The following MMD variants were observed in gnomAD, a reference collection of about 807,000 sequenced individuals.
MMD encodes monocyte to macrophage differentiation associated.
MMD carries 22 observed loss-of-function variants against 33.6 expected under a neutral mutation model. The observed-to-expected ratio is 0.66, with a 90% CI of 0.47 to 0.94. The LOEUF is 0.94. Ranked by LOEUF, MMD falls within the 40% of genes least tolerant of loss-of-function variation. The probability of loss-of-function intolerance (pLI) is 0.00; values close to 1 mark genes in which losing one functional copy is unlikely to be tolerated. For synonymous variants in MMD, 97 were observed against 103.2 expected, an observed-to-expected ratio of 0.94 and a Z score of 0.36; for missense variants, 242 against 309.8, an observed-to-expected ratio of 0.78 and a Z score of 1.64.
intron 1 of MMD, chr17:55,420,493 C>T (rs1402397424): frequency 6.6e-6 from 1 of 152,186 alleles, no homozygotes. Context: ...CAGACCATGG[C>T]AACTCTTCTG....
Position 55,414,218 on chromosome 17 carries a change from C to A in MMD, c.41G>T (p.Arg14Leu). The A allele has an allele frequency of 6.2e-7, 1 of 1,613,610 alleles. No homozygotes were observed. The highest frequency in any genetic ancestry group is 1.1e-5 in the South Asian group (1 of 91,060). The change falls in exon 2 of 7, where the codon CGA (arginine) becomes CTA (leucine). Residue 14 changes from arginine (R) to leucine (L), a missense_variant. Coordinates refer to ENST00000262065, the MANE Select transcript of MMD (RefSeq NM_012329.3). ...CTTGTAGCGGCCATTGGCTGGAGCT[C>A]GATGGTTCATGAACCTGTAAAAACA... is the stretch of plus-strand genomic sequence containing the variant. ...KNRFQRFMNH[R>L]APANGRYKPT...
chr17:55,392,963 G>A lies in MMD; in HGVS notation c.*1371C>T, dbSNP rs938962891. On this transcript the variant is annotated 3_prime_UTR_variant, in exon 7 of 7. Transcript: ENST00000262065. ...ATCAGTAAAAAATTTCAATTAATAA[G>A]GTTATCATCAAACCAAGAATTCCAC... 2 of 151,922 alleles carry A rather than the reference G, an allele frequency of 1.3e-5. No individual in the cohort carries two copies. The highest frequency in any genetic ancestry group is 2.4e-5 in the African/African-American group (1 of 41,354). The allele number at this position is 151,922 out of a possible 1,614,324, so 9.4% of individuals were successfully genotyped here.
At chr17:55,401,162 T>C (rs1247501066) in intron 6 of MMD, among the ~76,000 whole-genome samples, 4 of 152,182 alleles carry the variant, frequency 2.6e-5, no homozygotes, top group African/African-American at 7.2e-5. Context: ...CACTTCATTA[T>C]TTTTATTATT....
In MMD at chr17:55,421,795, T is replaced by A; in HGVS notation, c.-100A>T. On this transcript the variant is annotated 5_prime_UTR_variant, in exon 1 of 7. Coordinates refer to ENST00000262065, the MANE Select transcript of MMD (RefSeq NM_012329.3). ...GGCTTGGGCTGCTCCGGAGGCCGCC[T>A]GCGTGTCCAGCGGAACCCTTCGGCC... 1 of 1,319,352 alleles carries A rather than the reference T, an allele frequency of 7.6e-7. No individual in the cohort carries two copies. Among genetic ancestry groups the A allele is most frequent in the Non-Finnish European group, 1.0e-6 (1 of 994,638 alleles). The allele number at this position is 1,319,352 out of a possible 1,614,324, so 81.7% of individuals were successfully genotyped here. A position where few individuals can be genotyped will look rare whatever the true frequency, so the allele number is the denominator to read the frequency against.
chr17:55,414,357 G>C, intron 1 of MMD, 125 bp from the exon 2 acceptor site: 1 of 850,388 alleles, frequency 1.2e-6, no homozygotes, highest in Non-Finnish European at 1.9e-6. Context: ...ACCCAGTTGC[G>C]GTAATAAAGC....
At chr17:55,412,210 C>T (rs1312478567) in intron 2 of MMD, among the ~76,000 whole-genome samples, 2 of 152,186 alleles carry the variant, frequency 1.3e-5, no homozygotes, top group East Asian at 3.8e-4. Context: ...TTATAATGTA[C>T]ATAGCAACAC....
chr17:55,411,094 GT>G (rs1907741938), intron 3 of MMD, among the ~76,000 whole-genome samples, 162 bp downstream of exon 3: 2 of 152,204 alleles, frequency 1.3e-5, no homozygotes, highest in Non-Finnish European at 2.9e-5. Flanking sequence ...ACTTCATCCA[GT>G]CCAAAGAACA....
intron 4 of MMD, among the ~76,000 whole-genome samples, chr17:55,407,438 CAA>C (rs1386257054): frequency 1.3e-5 from 2 of 152,110 alleles, no homozygotes; most frequent in African/African-American, 4.8e-5. Flanking sequence ...TATAGGGAAA[CAA>C]TATGGAGAGC....
rs751340176 is a variant in MMD, at chr17:55,403,814, C to G, written c.399G>C (p.Trp133Cys). The change falls in exon 5 of 7, where the codon TGG (tryptophan) becomes TGC (cysteine). Residue 133 changes from tryptophan (W) to cysteine (C), a missense_variant. By Grantham distance (215) the Trp-to-Cys change is radical. Coordinates refer to ENST00000262065, the MANE Select transcript of MMD (RefSeq NM_012329.3). ...AAATGGTTCCTCCAGCTGCCATGAG[C>G]CAGATAAACCAACGCATATGAGATG... ...PLASHMRWFI[W>C]LMAAGGTIYV... 6.2e-7 allele frequency: 1 copy of G among 1,613,466 alleles called. No individual in the cohort carries two copies. The highest frequency in any genetic ancestry group is 1.7e-4 in the Middle Eastern group (1 of 6,058).
chr17:55,411,120 G>T, intron 3 of MMD, 137 bp downstream of exon 3: 1 of 947,710 alleles, frequency 1.1e-6, no homozygotes. Context: ...CTGAATAATG[G>T]GATAGTATTC....
chr17:55,411,421 A>C lies in MMD; in HGVS notation c.109-4T>G. The stretch of plus-strand genomic sequence containing the variant: ...CGATGGCCGGAACAATGAGGAACTG[A>C]GGGAAAGATAAAGAATGGTGAATGG... On this transcript the variant is annotated splice_region_variant and splice_polypyrimidine_tract_variant and intron_variant, in intron 2 of 6. Coordinates refer to ENST00000262065, the MANE Select transcript of MMD (RefSeq NM_012329.3). The C allele has an allele frequency of 6.2e-7, 1 of 1,607,712 alleles. No individual in the cohort carries two copies. The highest frequency in any genetic ancestry group is 8.5e-7 in the Non-Finnish European group (1 of 1,178,132).
In MMD at chr17:55,394,174, T is replaced by C; in HGVS notation, c.*160A>G. 1.9e-6 allele frequency: 1 copy of C among 535,228 alleles called. No individual in the cohort carries two copies. 33.2% of individuals were successfully genotyped at this position (535,228 alleles called of 1,614,324 possible). A position where few individuals can be genotyped will look rare whatever the true frequency, so the allele number is the denominator to read the frequency against. ...TATTTATTTGCTGTGAGGCAGAAAA[T>C]TCCAGAACACAGCCTTTATACTTTC... On this transcript the variant is annotated 3_prime_UTR_variant, in exon 7 of 7. Transcript: ENST00000262065.
At position 55,421,715 on chromosome 17, in the gene MMD, G is replaced by C. The variant is rs376687391; in HGVS notation, c.-20C>G. On this transcript the variant is annotated 5_prime_UTR_variant, in exon 1 of 7. Transcript: ENST00000262065. ...CCGCATTGATCCTCTGCTCCTCCTC[G>C]GGGGCCAGGAGCTCCGTCTCGTCAG... 1.8e-5 allele frequency: 29 copies of C among 1,584,522 alleles called. No homozygotes were observed. In the South Asian group the frequency reaches 3.0e-4, roughly 17 times the overall value.
intron 1 of MMD, among the ~76,000 whole-genome samples, chr17:55,415,328 T>C (rs1907927106): frequency 6.6e-6 from 1 of 151,600 alleles, no homozygotes; most frequent in South Asian, 2.1e-4. Flanking sequence ...TCCACTGCAC[T>C]CCTGTGCTTA....
In MMD at chr17:55,403,923, T is replaced by C. The variant is rs895112372; in HGVS notation, c.345-55A>G. 6 of 1,363,782 alleles carry C rather than the reference T, an allele frequency of 4.4e-6. No individual in the cohort carries two copies. In the African/African-American group the frequency reaches 5.8e-5, roughly 13 times the overall value. 84.5% of individuals were successfully genotyped at this position (1,363,782 alleles called of 1,614,324 possible). A position where few individuals can be genotyped will look rare whatever the true frequency, so the allele number is the denominator to read the frequency against. On this transcript the variant is annotated intron_variant, in intron 4 of 6. Transcript: ENST00000262065. Reference sequence around the variant, plus strand: ...AGAAGTGATAAATGAAGGGAATTCATAGAACCTGTGTCATTGAAAACTGAG... The same window carrying C: ...AGAAGTGATAAATGAAGGGAATTCACAGAACCTGTGTCATTGAAAACTGAG...
intron 2 of MMD, among the ~76,000 whole-genome samples, chr17:55,413,304 C>A (rs1907834008): frequency 1.3e-5 from 2 of 152,096 alleles, no homozygotes. Context: ...TGTATCCCAG[C>A]CACTATTTTT....
At chr17:55,395,934 G>GTCAC (rs1317068360) in intron 6 of MMD, among the ~76,000 whole-genome samples, 2 of 152,194 alleles carry the variant, frequency 1.3e-5, no homozygotes, top group African/African-American at 4.8e-5. Context: ...AATAGTAAGA[G>GTCAC]TCACTCATCT....
chr17:55,401,512 T>C lies in MMD; in HGVS notation c.473A>G (p.Tyr158Cys), dbSNP rs750365286. 22 of 1,612,292 alleles carry C rather than the reference T, an allele frequency of 1.4e-5. No homozygotes were observed. The highest frequency in any genetic ancestry group is 3.3e-5 in the South Asian group (3 of 90,440). The change falls in exon 6 of 7, where the codon TAT (tyrosine) becomes TGT (cysteine). Residue 158 changes from tyrosine to cysteine, a missense_variant. Physicochemically the swap from Tyr to Cys is radical, Grantham distance 194. Coordinates refer to ENST00000262065, the MANE Select transcript of MMD (RefSeq NM_012329.3). ...GGCTGGAGAGAATCCCATTGTGAGATAGAAAAAGAGTTCAACCACCTTATA... is the reference window on the plus strand; with the variant it reads ...GGCTGGAGAGAATCCCATTGTGAGACAGAAAAAGAGTTCAACCACCTTATA... The part of the protein sequence containing the change: ...EKYKVVELFF[Y>C]LTMGFSPALV...
intron 1 of MMD, among the ~76,000 whole-genome samples, chr17:55,417,518 T>C (rs1908013505): frequency 6.6e-6 from 1 of 152,114 alleles, no homozygotes. Context: ...GGGCTGGGCA[T>C]GGTGGCTCAC....
Sources: gnomAD v4.1 joint callset for allele counts (sites outside exome capture counted in the v4.1 genomes callset) on GRCh38, gnomAD v4.1.1 for gene constraint, MANE v1.5 for transcripts, NCBI Gene and HGNC (gene_info 2026-07-23, HGNC 2026-07-21) for gene names.